Variants in NRXN3 observed in about 807,000 individuals in gnomAD.
NRXN3 encodes neurexin III.
A neutral mutation model predicts 137.6 loss-of-function variants in NRXN3; 32 were observed. The observed-to-expected ratio is 0.23, with a 90% CI of 0.18 to 0.31. The LOEUF (loss-of-function observed/expected upper bound fraction) is 0.31. NRXN3 is among the 10% of genes least tolerant of loss of function. The probability of loss-of-function intolerance (pLI) is 1.00; values close to 1 mark genes in which losing one functional copy is unlikely to be tolerated. For missense variants in NRXN3, 1,574 were observed against 2,062.5 expected, an observed-to-expected ratio of 0.76 and a Z score of 4.59; for synonymous variants, 798 against 784.5, an observed-to-expected ratio of 1.02 and a Z score of -0.29.
chr14:79,241,601 T>C (rs773636009), intron 15 of NRXN3, among the ~76,000 whole-genome samples: 1 of 152,102 alleles, frequency 6.6e-6, no homozygotes, highest in Non-Finnish European at 1.5e-5. Context: ...CCTTCACATG[T>C]GGGTATTATT....
intron 14 of NRXN3, among the ~76,000 whole-genome samples, chr14:78,973,291 C>T (rs1387150296): frequency 6.6e-6 from 1 of 151,898 alleles, no homozygotes; most frequent in East Asian, 1.9e-4. Flanking sequence ...GAAAAAAGAA[C>T]TTGGAAGGAA....
intron 4 of NRXN3, among the ~76,000 whole-genome samples, chr14:78,476,998 T>C (rs2095391442): frequency 6.6e-6 from 1 of 152,178 alleles, no homozygotes; most frequent in African/African-American, 2.4e-5. Flanking sequence ...ATGCCCTTAG[T>C]TGTCTTCAGT....
chr14:78,292,178 A>G (rs888373561), intron 3 of NRXN3, among the ~76,000 whole-genome samples: 1 of 152,232 alleles, frequency 6.6e-6, no homozygotes, highest in Non-Finnish European at 1.5e-5. Context: ...GACAGGCTTC[A>G]TGATGGCCAC....
chr14:79,279,671 C>G, intron 15 of NRXN3: 1 of 986,294 alleles, frequency 1.0e-6, no homozygotes, highest in Non-Finnish European at 1.2e-6. Context: ...TGCTCCGTGG[C>G]GCTAGTCCAG....
intron 15 of NRXN3, among the ~76,000 whole-genome samples, chr14:79,159,217 C>T (rs2060532064): frequency 1.3e-5 from 2 of 151,850 alleles, no homozygotes; most frequent in African/African-American, 4.8e-5. Flanking sequence ...CCACTTCTAC[C>T]TCTTGGTAGC....
At chr14:78,397,029 A>G (rs2091527601) in intron 4 of NRXN3, among the ~76,000 whole-genome samples, 1 of 152,048 alleles carries the variant, frequency 6.6e-6, no homozygotes. Context: ...ATTTAATCCT[A>G]ATTGCCTCCT....
chr14:79,532,610 T>C (rs1424518747), intron 16 of NRXN3, among the ~76,000 whole-genome samples: 1 of 152,146 alleles, frequency 6.6e-6, no homozygotes, highest in East Asian at 1.9e-4. Context: ...AATAATATCA[T>C]TTTCGATGTG....
chr14:79,502,463 A>G (rs1484049874), intron 16 of NRXN3, among the ~76,000 whole-genome samples: 1 of 152,110 alleles, frequency 6.6e-6, no homozygotes, highest in Non-Finnish European at 1.5e-5. Flanking sequence ...GTTCATAAGA[A>G]AAAACAAGAG....
chr14:78,897,477 G>T (rs1268949690), intron 10 of NRXN3, among the ~76,000 whole-genome samples: 2 of 151,734 alleles, frequency 1.3e-5, no homozygotes, highest in African/African-American at 4.8e-5. Flanking sequence ...CCCTAGAATT[G>T]ATTCAGAGGA....
chr14:78,209,119 A>C (rs914156108), intron 1 of NRXN3, among the ~76,000 whole-genome samples: 1 of 152,144 alleles, frequency 6.6e-6, no homozygotes, highest in African/African-American at 2.4e-5. Context: ...TGCACCTGGG[A>C]GGTGACAAGA....
chr14:79,215,561 A>G (rs1282292265), intron 15 of NRXN3, among the ~76,000 whole-genome samples: 1 of 152,184 alleles, frequency 6.6e-6, no homozygotes, highest in South Asian at 2.1e-4. Context: ...GGCAGCAGAC[A>G]AGAGAATGAG....
intron 4 of NRXN3, among the ~76,000 whole-genome samples, chr14:78,494,421 G>GTTTTTTTTTTTTTTTTTTTTTTTTTT (rs139596761): frequency 7.6e-6 from 1 of 132,442 alleles, no homozygotes; most frequent in Non-Finnish European, 1.7e-5. Flanking sequence ...TACCAGAGGT[G>GTTTTTTTTTTTTTTTTTTTTTTTTTT]TTTTGTTTTT....
chr14:78,576,050 T>C (rs369082076), intron 4 of NRXN3, among the ~76,000 whole-genome samples: 2 of 152,350 alleles, frequency 1.3e-5, no homozygotes, highest in South Asian at 4.1e-4. Context: ...AGTAAAAATG[T>C]CAGTTTTCAA....
chr14:79,124,619 G>A (rs2056071465), intron 15 of NRXN3, among the ~76,000 whole-genome samples: 4 of 152,130 alleles, frequency 2.6e-5, no homozygotes, highest in South Asian at 2.1e-4. Context: ...TTAAATAAAC[G>A]TGAGTGTATA....
At chr14:78,703,854 G>A (rs1186642088) in intron 6 of NRXN3, 1 of 152,184 alleles carries the variant, frequency 6.6e-6, no homozygotes, top group Non-Finnish European at 1.5e-5. Context: ...TGTCCTCTAT[G>A]CAGATAGTTT....
At chr14:78,693,046 G>A (rs908890628) in intron 6 of NRXN3, among the ~76,000 whole-genome samples, 3 of 151,976 alleles carry the variant, frequency 2.0e-5, no homozygotes, top group African/African-American at 7.3e-5. Flanking sequence ...TCATGCCACT[G>A]CATTCCAGCC....
At chr14:79,360,755 G>A (rs956482352) in intron 15 of NRXN3, among the ~76,000 whole-genome samples, 1 of 152,182 alleles carries the variant, frequency 6.6e-6, no homozygotes, top group African/African-American at 2.4e-5. Flanking sequence ...AATTAAAAGG[G>A]TGGGAGAAAC....
intron 4 of NRXN3, among the ~76,000 whole-genome samples, chr14:78,360,505 A>G (rs1192641207): frequency 6.6e-6 from 1 of 152,120 alleles, no homozygotes; most frequent in African/African-American, 2.4e-5. Context: ...CTCTGGAGCC[A>G]CTCTGCCTAA....
chr14:78,476,800 C>T (rs2095386967), intron 4 of NRXN3, among the ~76,000 whole-genome samples: 2 of 152,132 alleles, frequency 1.3e-5, no homozygotes, highest in South Asian at 2.1e-4. Context: ...TAGCAATATG[C>T]CAGTCATTAA....
Sources: allele counts gnomAD v4.1 joint callset (sites outside exome capture counted in the v4.1 genomes callset), GRCh38; gene constraint gnomAD v4.1.1; transcripts MANE v1.5; gene names NCBI Gene and HGNC (gene_info 2026-07-23, HGNC 2026-07-21).